The following HPSE2 variants were observed in gnomAD, a reference collection of about 807,000 sequenced individuals.
The protein encoded by HPSE2 is inactive heparanase-2.
In HPSE2, 38 loss-of-function variants were observed where a neutral mutation model predicts 60.5. That is an observed-to-expected ratio of 0.63 (90% CI 0.48 to 0.82). The LOEUF is 0.82. Ranked by LOEUF, HPSE2 falls within the 40% of genes least tolerant of loss-of-function variation. The pLI, the probability that HPSE2 is intolerant of heterozygous loss-of-function variation, is 0.00. For missense variants in HPSE2, 713 were observed against 740.4 expected, an observed-to-expected ratio of 0.96 and a Z score of 0.43; for synonymous variants, 295 against 293.2, an observed-to-expected ratio of 1.01 and a Z score of -0.06.
intron 3 of HPSE2, among the ~76,000 whole-genome samples, chr10:99,086,421 C>G (rs1193931701): frequency 7.9e-6 from 1 of 127,374 alleles, no homozygotes; most frequent in Non-Finnish European, 1.6e-5. Flanking sequence ...GGCGGGATCT[C>G]GGCTCACTGC....
chr10:98,720,150 T>C (rs1948887268), intron 5 of HPSE2, among the ~76,000 whole-genome samples: 1 of 151,128 alleles, frequency 6.6e-6, no homozygotes, highest in African/African-American at 2.4e-5. Flanking sequence ...GAAAAGAAAA[T>C]GGGATATGAG....
chr10:98,687,398 C>T (rs1947944943), intron 6 of HPSE2, among the ~76,000 whole-genome samples: 1 of 152,180 alleles, frequency 6.6e-6, no homozygotes, highest in East Asian at 1.9e-4. Flanking sequence ...CCAACCTCCT[C>T]TCTATTAAAA....
At chr10:98,926,873 T>C (rs528158702) in intron 3 of HPSE2, among the ~76,000 whole-genome samples, 17 of 152,310 alleles carry the variant, frequency 1.1e-4, no homozygotes, top group African/African-American at 3.4e-4. Context: ...ATGTACCCAG[T>C]AGTCACTCAG....
intron 3 of HPSE2, among the ~76,000 whole-genome samples, chr10:98,852,111 T>TTATA (rs1952187263): frequency 2.5e-5 from 1 of 39,218 alleles, no homozygotes; most frequent in Non-Finnish European, 5.5e-5. Context: ...TTGTATATTA[T>TTATA]GATGTGTGTG....
intron 3 of HPSE2, among the ~76,000 whole-genome samples, chr10:98,967,089 G>A (rs1178219724): frequency 6.6e-6 from 1 of 152,182 alleles, no homozygotes; most frequent in Non-Finnish European, 1.5e-5. Flanking sequence ...AATAAATTAG[G>A]AGAAGGGGGT....
chr10:98,566,249 A>G (rs10883134), intron 9 of HPSE2, among the ~76,000 whole-genome samples: 69,332 of 152,104 alleles, frequency 0.46, 18,773 homozygotes, highest in South Asian at 0.59. Context: ...ATAGAGAAAA[A>G]GTGGCATAGC....
chr10:98,661,342 T>G (rs1261036372), intron 6 of HPSE2, among the ~76,000 whole-genome samples: 2 of 152,174 alleles, frequency 1.3e-5, no homozygotes, highest in East Asian at 3.9e-4. Context: ...TGCTTTTAGT[T>G]TATTTAATTT....
chr10:98,580,801 G>C (rs1449315518), intron 9 of HPSE2, among the ~76,000 whole-genome samples: 1 of 108,656 alleles, frequency 9.2e-6, no homozygotes, highest in Non-Finnish European at 1.8e-5. Context: ...CCCCAAATCT[G>C]TTTAGTCAAG....
At chr10:98,485,335 G>A (rs12572945) in intron 10 of HPSE2, among the ~76,000 whole-genome samples, 40,564 of 151,852 alleles carry the variant, frequency 0.27, 5,551 homozygotes, top group East Asian at 0.33. Flanking sequence ...CTGGCTGTGC[G>A]TCAGAAGATT....
the HPSE2 span, among the ~76,000 whole-genome samples, chr10:99,267,698 T>C: frequency 6.6e-6 from 1 of 150,914 alleles, no homozygotes; most frequent in African/African-American, 2.4e-5. Flanking sequence ...GAGAACAGCT[T>C]GAACCTGGGA....
intron 3 of HPSE2, among the ~76,000 whole-genome samples, chr10:98,966,216 A>G (rs1338814135): frequency 1.3e-5 from 2 of 152,140 alleles, no homozygotes; most frequent in African/African-American, 4.8e-5. Context: ...ATGAGGACTG[A>G]GTTACACTGA....
intron 3 of HPSE2, among the ~76,000 whole-genome samples, chr10:98,899,705 T>G (rs1953605853): frequency 6.6e-6 from 1 of 150,906 alleles, no homozygotes; most frequent in Non-Finnish European, 1.5e-5. Flanking sequence ...TCTTAGACAT[T>G]GCTGATGGAA....
the HPSE2 span, among the ~76,000 whole-genome samples, chr10:99,312,015 AG>A: frequency 6.6e-5 from 10 of 152,232 alleles, no homozygotes; most frequent in Non-Finnish European, 1.2e-4. Flanking sequence ...ATCCAGAGCA[AG>A]GCCCTAGCTC....
intron 3 of HPSE2, among the ~76,000 whole-genome samples, chr10:98,890,399 C>T (rs1015076196): frequency 4.0e-5 from 6 of 151,872 alleles, no homozygotes; most frequent in Middle Eastern, 3.4e-3. Context: ...TATAAAGAGT[C>T]GACAATATTG....
chr10:99,061,954 T>G (rs1000547211), intron 3 of HPSE2, among the ~76,000 whole-genome samples: 1 of 152,156 alleles, frequency 6.6e-6, no homozygotes, highest in African/African-American at 2.4e-5. Context: ...ATGACTATAG[T>G]AAGGTCATGG....
chr10:98,744,718 G>A (rs1018518767), intron 3 of HPSE2, among the ~76,000 whole-genome samples: 5 of 152,096 alleles, frequency 3.3e-5, no homozygotes, highest in Non-Finnish European at 7.4e-5. Flanking sequence ...TCCTTGAAAA[G>A]TCAGACAATA....
At chr10:99,244,259 C>T in the HPSE2 span, among the ~76,000 whole-genome samples, 6 of 151,758 alleles carry the variant, frequency 4.0e-5, no homozygotes, top group South Asian at 2.1e-4. Flanking sequence ...CCTCGTGATC[C>T]GCCCACCTCA....
chr10:98,559,537 C>T (rs907279321), intron 9 of HPSE2, among the ~76,000 whole-genome samples: 4 of 152,204 alleles, frequency 2.6e-5, no homozygotes, highest in Non-Finnish European at 5.9e-5. Flanking sequence ...TCTATCCTCA[C>T]ATGCCCCAAG....
At chr10:99,245,794 A>T in the HPSE2 span, among the ~76,000 whole-genome samples, 7 of 152,236 alleles carry the variant, frequency 4.6e-5, no homozygotes, top group Non-Finnish European at 7.3e-5. Context: ...CTCCAGTAGT[A>T]AAATTTGCAA....
Sources: allele counts gnomAD v4.1 joint callset (sites outside exome capture counted in the v4.1 genomes callset), GRCh38; gene constraint gnomAD v4.1.1; transcripts MANE v1.5; gene names NCBI Gene and HGNC (gene_info 2026-07-23, HGNC 2026-07-21).